Variants in ZBTB20 observed in about 807,000 individuals in gnomAD.
The protein encoded by ZBTB20 is zinc finger and BTB domain containing 20.
In ZBTB20, 9 loss-of-function variants were observed where a neutral mutation model predicts 56.9. That is an observed-to-expected ratio of 0.16 (90% CI 0.10 to 0.28). The LOEUF is 0.28. ZBTB20 is among the 10% of genes least tolerant of loss of function. ZBTB20 has a pLI of 1.00. For synonymous variants in ZBTB20, 417 were observed against 420.7 expected, an observed-to-expected ratio of 0.99 and a Z score of 0.11; for missense variants, 655 against 1,003.0, an observed-to-expected ratio of 0.65 and a Z score of 4.69.
At chr3:114,832,297 G>A (rs1003547262) in intron 4 of ZBTB20, among the ~76,000 whole-genome samples, 2 of 151,950 alleles carry the variant, frequency 1.3e-5, no homozygotes, top group Non-Finnish European at 2.9e-5. Flanking sequence ...TTCAACAGAA[G>A]TGCAGGTTGG....
At chr3:115,038,922 A>G (rs2081037689) in intron 2 of ZBTB20, among the ~76,000 whole-genome samples, 1 of 151,964 alleles carries the variant, frequency 6.6e-6, no homozygotes, top group Admixed American at 6.6e-5. Context: ...TTACCTTTTT[A>G]TTATTATTTT....
At chr3:114,598,018 C>T (rs1468285578) in intron 6 of ZBTB20, among the ~76,000 whole-genome samples, 1 of 152,104 alleles carries the variant, frequency 6.6e-6, no homozygotes, top group Non-Finnish European at 1.5e-5. Flanking sequence ...ATCTCAGACA[C>T]TGTAATCAGT....
intron 6 of ZBTB20, among the ~76,000 whole-genome samples, chr3:114,643,026 T>C (rs1254894134): frequency 6.6e-6 from 1 of 152,110 alleles, no homozygotes; most frequent in Non-Finnish European, 1.5e-5. Context: ...CATCTTAGCT[T>C]GGCAGAAATT....
rs543976503 is a variant in ZBTB20 at position 114,947,885 on chromosome 3, G to GA, written c.-456+26480dup. Among the ~76,000 whole-genome samples, 142 of 142,110 alleles carry GA rather than the reference G, an allele frequency of 1.0e-3. 14 individuals are homozygous for GA. The highest frequency in any genetic ancestry group is 1.6e-3 in the African/African-American group (56 of 34,418). 93.2% of individuals were successfully genotyped at this position (142,110 alleles called of 152,430 possible). The stretch of plus-strand genomic sequence containing the variant: ...AGGTAAATTATTTCAAAAATTTAAT[G>GA]AAAAAAAAATAGCACCAATCATATA... On this transcript the variant is annotated intron_variant, in intron 3 of 11. Transcript: ENST00000675478.
chr3:114,538,934 T>A (rs2048792198), intron 6 of ZBTB20, among the ~76,000 whole-genome samples: 1 of 152,198 alleles, frequency 6.6e-6, no homozygotes, highest in Non-Finnish European at 1.5e-5. Context: ...CATCGGGGGT[T>A]GGCATTCTCA....
At chr3:114,547,690 C>G (rs2050058001) in intron 6 of ZBTB20, among the ~76,000 whole-genome samples, 1 of 152,104 alleles carries the variant, frequency 6.6e-6, no homozygotes, top group South Asian at 2.1e-4. Context: ...CCTAATGTTA[C>G]ATAACAGCTT....
At chr3:114,878,354 A>G (rs1030123134) in intron 4 of ZBTB20, among the ~76,000 whole-genome samples, 2 of 152,164 alleles carry the variant, frequency 1.3e-5, no homozygotes, top group African/African-American at 4.8e-5. Flanking sequence ...ACAGGTTAAT[A>G]GATTTTATTG....
chr3:114,866,157 T>G (rs677754), intron 4 of ZBTB20, among the ~76,000 whole-genome samples: 25 of 152,292 alleles, frequency 1.6e-4, no homozygotes, highest in African/African-American at 6.0e-4. Context: ...TAATAGCTGT[T>G]CTTCACTGAG....
rs180933274 is a variant in ZBTB20 at position 114,433,284 on chromosome 3, T to C, written c.-254-44179A>G. Reference sequence around the variant, plus strand: ...CTGTGCTGTAGGAATAGACAAGGTCTGAAGATAAAGAAGTAGATGAAAATC... The same window carrying C: ...CTGTGCTGTAGGAATAGACAAGGTCCGAAGATAAAGAAGTAGATGAAAATC... On this transcript the variant is annotated intron_variant, in intron 7 of 11. Transcript: ENST00000675478. Among the ~76,000 whole-genome samples the C allele has an allele frequency of 1.8e-3, 269 of 152,276 alleles. 1 individual carries two copies. The highest frequency in any genetic ancestry group is 6.3e-3 in the African/African-American group (261 of 41,558).
intron 1 of ZBTB20, among the ~76,000 whole-genome samples, chr3:115,118,703 A>AGTTTTTT (rs2084091469): frequency 4.9e-5 from 4 of 82,212 alleles, no homozygotes; most frequent in Admixed American, 3.4e-4. Context: ...CCTGGTACAA[A>AGTTTTTT]TTTTTTTTTT....
chr3:114,904,429 C>T (rs2075245966), intron 3 of ZBTB20: 1 of 151,962 alleles, frequency 6.6e-6, no homozygotes, highest in Non-Finnish European at 1.5e-5. Context: ...GACTATTTTA[C>T]ATGCTTTACA....
intron 7 of ZBTB20, among the ~76,000 whole-genome samples, chr3:114,489,553 T>C (rs1399586129): frequency 6.6e-6 from 1 of 152,148 alleles, no homozygotes; most frequent in South Asian, 2.1e-4. Flanking sequence ...GATACAACTG[T>C]ATACATGCAA....
chr3:114,963,960 T>C (rs566554196), intron 3 of ZBTB20, among the ~76,000 whole-genome samples: 25 of 152,358 alleles, frequency 1.6e-4, no homozygotes, highest in African/African-American at 6.0e-4. Context: ...GGATAAATTA[T>C]GTATACAACT....
chr3:114,416,324 CT>C (rs1344042436), intron 7 of ZBTB20, among the ~76,000 whole-genome samples: 2 of 28,618 alleles, frequency 7.0e-5, no homozygotes, highest in African/African-American at 1.3e-4. Context: ...CTTAGCAATA[CT>C]TAAAAAAAAA....
intron 7 of ZBTB20, among the ~76,000 whole-genome samples, chr3:114,399,381 T>C (rs188774266): frequency 6.6e-6 from 1 of 152,286 alleles, no homozygotes; most frequent in Admixed American, 6.5e-5. Context: ...AAAATAGGTA[T>C]AGCTTGTATT....
At chr3:114,952,294 T>C (rs1320455268) in intron 3 of ZBTB20, among the ~76,000 whole-genome samples, 2 of 152,116 alleles carry the variant, frequency 1.3e-5, no homozygotes, top group Admixed American at 6.6e-5. Flanking sequence ...AAAAGAATAG[T>C]TTGGCCCAGT....
chr3:114,704,962 GT>G lies in ZBTB20; in HGVS notation c.-342-11388del, dbSNP rs1214867047. Among the ~76,000 whole-genome samples the G allele has an allele frequency of 2.0e-5, 3 of 152,008 alleles. No homozygotes were observed. The South Asian group carries it at 6.2e-4, about 32-fold the overall frequency. On this transcript the variant is annotated intron_variant, in intron 5 of 11. Transcript: ENST00000675478. Reference sequence around the variant, plus strand: ...TGTAAACAAACAACATTCACTCAGGGTCAGGCACTGTTCTAAATATTCTATA... The same window carrying G: ...TGTAAACAAACAACATTCACTCAGGGCAGGCACTGTTCTAAATATTCTATA...
chr3:114,719,794 A>G (rs2064781584), intron 5 of ZBTB20, among the ~76,000 whole-genome samples: 1 of 152,156 alleles, frequency 6.6e-6, no homozygotes, highest in Non-Finnish European at 1.5e-5. Context: ...TCTGAGGTAC[A>G]GGGTAAAGCT....
intron 2 of ZBTB20, among the ~76,000 whole-genome samples, chr3:115,057,966 G>A (rs2081869082): frequency 6.6e-6 from 1 of 152,148 alleles, no homozygotes; most frequent in Non-Finnish European, 1.5e-5. Flanking sequence ...TGATGGAAGA[G>A]GAGGCAAACA....
Sources: allele counts gnomAD v4.1 joint callset (sites outside exome capture counted in the v4.1 genomes callset), GRCh38; gene constraint gnomAD v4.1.1; transcripts MANE v1.5; gene names NCBI Gene and HGNC (gene_info 2026-07-23, HGNC 2026-07-21).